Variants in OSTF1 observed in about 807,000 individuals in gnomAD.
OSTF1 encodes the protein osteoclast stimulating factor 1, also known as osteoclast-stimulating factor 1.
OSTF1 carries 27 observed loss-of-function variants against 37.2 expected under a neutral mutation model. The observed-to-expected ratio is 0.73, with a 90% confidence interval of 0.54 to 1.00. OSTF1 has a LOEUF of 1.00. Among genes scored for constraint, OSTF1 ranks in the 50% least tolerant of loss-of-function variants. The pLI, the probability that OSTF1 is intolerant of heterozygous loss-of-function variation, is 0.00. For missense variants in OSTF1, 232 were observed against 253.8 expected (o/e 0.91, Z 0.58); for synonymous variants, 82 against 89.2 (o/e 0.92, Z 0.46).
intron 1 of OSTF1, among the ~76,000 whole-genome samples, chr9:75,105,551 T>C (rs1825268837): frequency 6.6e-6 from 1 of 152,206 alleles, no homozygotes; most frequent in Non-Finnish European, 1.5e-5. Flanking sequence ...CATTCTTAGC[T>C]TAAAGGTCAT....
chr9:75,114,352 G>A (rs560957966), intron 1 of OSTF1, among the ~76,000 whole-genome samples: 3 of 152,176 alleles, frequency 2.0e-5, no homozygotes, highest in South Asian at 2.1e-4. Context: ...ATTTTCTGAT[G>A]TTCTAAACCT....
intron 1 of OSTF1, among the ~76,000 whole-genome samples, chr9:75,110,226 A>T (rs1442090301): frequency 6.6e-6 from 1 of 152,092 alleles, no homozygotes; most frequent in Non-Finnish European, 1.5e-5. Flanking sequence ...CACTGCCCTA[A>T]ACATCCACTG....
chr9:75,123,071 A>G (rs1825605373), intron 2 of OSTF1, among the ~76,000 whole-genome samples: 1 of 152,240 alleles, frequency 6.6e-6, no homozygotes, highest in Non-Finnish European at 1.5e-5. Flanking sequence ...ACAACAGCCT[A>G]CTTATTCTGA....
At chr9:75,103,096 A>G (rs368634294) in intron 1 of OSTF1, among the ~76,000 whole-genome samples, 52 of 151,840 alleles carry the variant, frequency 3.4e-4, no homozygotes, top group African/African-American at 1.3e-3. Flanking sequence ...AGACCAGCCC[A>G]TGCAACATAA....
At chr9:75,132,890 G>T (rs76489269) in intron 5 of OSTF1, among the ~76,000 whole-genome samples, 7,291 of 151,756 alleles carry the variant, frequency 0.048, 224 homozygotes, top group Middle Eastern at 0.078. Context: ...AATAGTATCT[G>T]CTTGTTCTTA....
chr9:75,129,841 C>A lies in OSTF1; in HGVS notation c.133-737C>A, dbSNP rs77402837. ...CTTATTTGAGTCCCAAATTATGGGGCAGTTGGGAAATTTGAGTATCGACCT... is the reference window on the plus strand; with the variant it reads ...CTTATTTGAGTCCCAAATTATGGGGAAGTTGGGAAATTTGAGTATCGACCT... On this transcript the variant is annotated intron_variant, in intron 3 of 9. Coordinates refer to ENST00000346234, the MANE Select transcript of OSTF1 (RefSeq NM_012383.5). Among the ~76,000 whole-genome samples the A allele has an allele frequency of 1.1e-4, 17 of 152,146 alleles. No homozygotes were observed. The East Asian group carries it at 2.7e-3, about 24-fold the overall frequency.
chr9:75,118,514 G>A (rs1423691888), intron 2 of OSTF1, among the ~76,000 whole-genome samples: 4 of 152,040 alleles, frequency 2.6e-5, no homozygotes, highest in African/African-American at 2.4e-5. Context: ...GTGACTAGAC[G>A]GTGAAGCAGG....
At chr9:75,128,855 C>A (rs7873449) in intron 3 of OSTF1, among the ~76,000 whole-genome samples, 17,175 of 151,490 alleles carry the variant, frequency 0.11, 1,344 homozygotes, top group African/African-American at 0.23. Context: ...ATCTGAATTG[C>A]AAGGATCACA....
chr9:75,113,360 T>G (rs2118495944), intron 1 of OSTF1, among the ~76,000 whole-genome samples: 1 of 152,298 alleles, frequency 6.6e-6, no homozygotes, highest in East Asian at 1.9e-4. Context: ...GGATGGTACT[T>G]GCCTACTGTT....
chr9:75,142,366 G>C (rs1221937415), intron 9 of OSTF1, among the ~76,000 whole-genome samples: 1 of 152,082 alleles, frequency 6.6e-6, no homozygotes, highest in Admixed American at 6.5e-5. Flanking sequence ...GATTGGGTCA[G>C]GAAGTAGGAG....
intron 1 of OSTF1, among the ~76,000 whole-genome samples, chr9:75,100,532 C>A (rs1825171836): frequency 6.6e-6 from 1 of 152,026 alleles, no homozygotes; most frequent in Admixed American, 6.5e-5. Context: ...GAGTTTGAGA[C>A]CAGCCTGGCC....
intron 9 of OSTF1, among the ~76,000 whole-genome samples, chr9:75,145,256 T>C (rs1232269396): frequency 6.6e-6 from 1 of 152,208 alleles, no homozygotes; most frequent in Non-Finnish European, 1.5e-5. Context: ...TACCTAGCTA[T>C]GTATCAAATC....
chr9:75,107,807 C>T (rs1204345978), intron 1 of OSTF1, among the ~76,000 whole-genome samples: 1 of 152,132 alleles, frequency 6.6e-6, no homozygotes, highest in Non-Finnish European at 1.5e-5. Flanking sequence ...TGGTGGAATG[C>T]CAACTTTATT....
At position 75,088,635 on chromosome 9, in the gene OSTF1, C is replaced by A; in HGVS notation, c.-58C>A. ...CTGGGGTGCCCGGAGTGCCAGGTGGCGGGCAAGCGGTGGGCTTTTCGGCGG... is the reference window on the plus strand; with the variant it reads ...CTGGGGTGCCCGGAGTGCCAGGTGGAGGGCAAGCGGTGGGCTTTTCGGCGG... On this transcript the variant is annotated 5_prime_UTR_variant, in exon 1 of 10. Coordinates refer to ENST00000346234, the MANE Select transcript of OSTF1 (RefSeq NM_012383.5). 9.6e-6 allele frequency: 15 copies of A among 1,567,362 alleles called. No individual in the cohort carries two copies. Among genetic ancestry groups the A allele is most frequent in the Non-Finnish European group, 1.3e-5 (15 of 1,150,156 alleles).
intron 1 of OSTF1, among the ~76,000 whole-genome samples, chr9:75,106,667 CA>C (rs1203343367): frequency 8.1e-6 from 1 of 123,100 alleles, no homozygotes; most frequent in Non-Finnish European, 1.7e-5. Flanking sequence ...AAAAAAAAAG[CA>C]GTGGGTGCCG....
intron 7 of OSTF1, among the ~76,000 whole-genome samples, chr9:75,137,272 G>A (rs1269699933): frequency 1.3e-5 from 2 of 151,930 alleles, no homozygotes; most frequent in African/African-American, 4.8e-5. Flanking sequence ...CTTCCTCCTG[G>A]ATCTCCCTCC....
At chr9:75,120,526 G>C (rs1825562723) in intron 2 of OSTF1, among the ~76,000 whole-genome samples, 1 of 152,138 alleles carries the variant, frequency 6.6e-6, no homozygotes, top group Admixed American at 6.5e-5. Flanking sequence ...TTTGAGACTG[G>C]AGGTGACTCT....
chr9:75,106,001 C>T (rs898811795), intron 1 of OSTF1, among the ~76,000 whole-genome samples: 1 of 152,202 alleles, frequency 6.6e-6, no homozygotes, highest in Non-Finnish European at 1.5e-5. Context: ...TCAGAAAACA[C>T]TCAGGCTACT....
At chr9:75,112,588 TC>T (rs1286696612) in intron 1 of OSTF1, among the ~76,000 whole-genome samples, 2 of 152,248 alleles carry the variant, frequency 1.3e-5, no homozygotes, top group Non-Finnish European at 2.9e-5. Flanking sequence ...TGCCTGCTGT[TC>T]ACTGTTTAGT....
Sources: allele counts gnomAD v4.1 joint callset (sites outside exome capture counted in the v4.1 genomes callset), GRCh38; gene constraint gnomAD v4.1.1; transcripts MANE v1.5; gene names NCBI Gene and HGNC (gene_info 2026-07-23, HGNC 2026-07-21).